Variants in C14orf39 observed in about 807,000 individuals in gnomAD.
The protein encoded by C14orf39 is chromosome 14 open reading frame 39, also known as protein SIX6OS1.
C14orf39 carries 66 observed loss-of-function variants against 85.6 expected under a neutral mutation model. The ratio of observed to expected loss-of-function variants is 0.77; its 90% CI spans 0.63 to 0.95. The LOEUF (loss-of-function observed/expected upper bound fraction) is 0.95, where lower values mean the gene tolerates loss of function less well. Among genes scored for constraint, C14orf39 ranks in the 40% least tolerant of loss-of-function variants. The pLI, the probability that C14orf39 is intolerant of heterozygous loss-of-function variation, is 0.00. For missense variants in C14orf39, 735 were observed against 663.9 expected (o/e 1.11, Z -1.18); for synonymous variants, 242 against 214.0 (o/e 1.13, Z -1.14).
Position 60,484,849 on chromosome 14 carries a change from C to T in C14orf39, c.106+32G>A. 2 of 1,461,300 alleles carry T rather than the reference C, an allele frequency of 1.4e-6. No individual in the cohort carries two copies. Among genetic ancestry groups the T allele is most frequent in the Non-Finnish European group, 1.9e-6 (2 of 1,060,764 alleles). The allele number at this position is 1,461,300 out of a possible 1,614,324, so 90.5% of individuals were successfully genotyped here. Reference sequence around the variant, plus strand: ...TTATATGCCATAAGGAATTAAAAGACTAAAATATCTTGATCATGCAAAGCT... The same window carrying T: ...TTATATGCCATAAGGAATTAAAAGATTAAAATATCTTGATCATGCAAAGCT... On this transcript the variant is annotated intron_variant, in intron 3 of 17. Coordinates refer to ENST00000321731, the MANE Select transcript of C14orf39 (RefSeq NM_174978.3). The surrounding 1 kb of genome is among the most constrained non-coding windows in gnomAD (Gnocchi z 4.2).
chr14:60,457,634 T>C (rs1891339720), intron 14 of C14orf39, among the ~76,000 whole-genome samples: 1 of 151,972 alleles, frequency 6.6e-6, no homozygotes, highest in African/African-American at 2.4e-5. Flanking sequence ...AATATGCTTG[T>C]TATGCCAAAT....
chr14:60,447,964 T>A (rs575401856), intron 16 of C14orf39, among the ~76,000 whole-genome samples: 4 of 152,308 alleles, frequency 2.6e-5, no homozygotes, highest in African/African-American at 9.6e-5. Context: ...ATTTAATAAA[T>A]GGTGCTGGGA....
chr14:60,478,431 TAAAC>T (rs1210654071), intron 4 of C14orf39, 42 bp from the exon 5 acceptor site: 3 of 1,004,116 alleles, frequency 3.0e-6, no homozygotes, highest in African/African-American at 1.7e-5. Flanking sequence ...CTCAGAATGA[TAAAC>T]AAATTGATAG....
At chr14:60,506,147 C>A (rs1729669348) in intron 1 of C14orf39, among the ~76,000 whole-genome samples, 1 of 152,134 alleles carries the variant, frequency 6.6e-6, no homozygotes, top group Non-Finnish European at 1.5e-5. Context: ...AGCCTTTGTC[C>A]AAGACCTCAT....
At chr14:60,497,382 A>T (rs906092948) in intron 2 of C14orf39, among the ~76,000 whole-genome samples, 1 of 36,574 alleles carries the variant, frequency 2.7e-5, no homozygotes, top group Non-Finnish European at 9.5e-5. Flanking sequence ...CCATGAGTAC[A>T]GGCCCAATGC....
intron 1 of C14orf39, chr14:60,509,023 G>A: frequency 3.5e-6 from 1 of 284,258 alleles, no homozygotes; most frequent in South Asian, 4.1e-5. Context: ...AACGGCGGGC[G>A]CTGTCGAGCA....
intron 5 of C14orf39, among the ~76,000 whole-genome samples, chr14:60,474,545 A>G (rs373213456): frequency 6.6e-6 from 1 of 151,010 alleles, no homozygotes; most frequent in Non-Finnish European, 1.5e-5. Flanking sequence ...GTTTGTCATA[A>G]ATAGCTCTTA....
chr14:60,456,776 T>C, intron 15 of C14orf39, 141 bp downstream of exon 15: 1 of 642,770 alleles, frequency 1.6e-6, no homozygotes, highest in Non-Finnish European at 2.5e-6. Flanking sequence ...TGTGTTATAT[T>C]AGTCTTTCTC....
chr14:60,458,870 A>G, intron 13 of C14orf39, 131 bp from the exon 14 acceptor site: 1 of 606,440 alleles, frequency 1.6e-6, no homozygotes. Flanking sequence ...ATATGGTTCA[A>G]CATAATACAT....
upstream of C14orf39, among the ~76,000 whole-genome samples, chr14:60,486,749 A>C (rs1394690430): frequency 6.6e-6 from 1 of 152,202 alleles, no homozygotes; most frequent in Non-Finnish European, 1.5e-5. Context: ...ACCAAAACCT[A>C]AGCTGTTTCA....
upstream of C14orf39, among the ~76,000 whole-genome samples, chr14:60,489,676 T>A (rs368559238): frequency 9.2e-5 from 14 of 152,348 alleles, no homozygotes; most frequent in Admixed American, 5.2e-4. Flanking sequence ...CGTTAAAATA[T>A]CAAATATGCC....
chr14:60,438,974 C>T (rs371573816), intron 17 of C14orf39, among the ~76,000 whole-genome samples: 8 of 151,904 alleles, frequency 5.3e-5, no homozygotes, highest in African/African-American at 1.9e-4. Flanking sequence ...AGTTCTAGTA[C>T]GGAATTTAAG....
intron 17 of C14orf39, 133 bp downstream of exon 17, chr14:60,441,941 T>C: frequency 1.7e-6 from 1 of 587,228 alleles, no homozygotes; most frequent in Non-Finnish European, 3.0e-6. Flanking sequence ...GAAAAGAATA[T>C]CAGTGAGTAG....
At chr14:60,509,195 G>C in intron 1 of C14orf39, 2 of 596,198 alleles carry the variant, frequency 3.4e-6, no homozygotes, top group South Asian at 2.0e-5. Context: ...AGCCGAGCCC[G>C]AACCCCAAGC....
At position 60,497,727 on chromosome 14, in the gene C14orf39, T is replaced by A. The variant is rs190013719; in HGVS notation, c.-9+1569A>T. ...CCCATCTCTACTAAAACTATTTTTT[T>A]AAAAATTAGTTGGGCATGGTGGCGG... On this transcript the variant is annotated intron_variant, in intron 2 of 5. Transcript: ENST00000556799. Among the ~76,000 whole-genome samples the A allele has an allele frequency of 9.2e-5, 14 of 151,974 alleles. No individual in the cohort carries two copies. The East Asian group carries it at 1.5e-3, about 17-fold the overall frequency.
intron 5 of C14orf39, among the ~76,000 whole-genome samples, chr14:60,475,256 T>C (rs150673272): frequency 0.014 from 2,197 of 152,292 alleles, 47 homozygotes; most frequent in African/African-American, 0.051. Flanking sequence ...ATCCCCTTTA[T>C]CATCTTTTAT....
chr14:60,447,082 C>T (rs1455150356), intron 16 of C14orf39, among the ~76,000 whole-genome samples: 3 of 152,260 alleles, frequency 2.0e-5, no homozygotes. Flanking sequence ...GACAAACCCA[C>T]AGCCAATATC....
chr14:60,465,851 AACACACACACACACACACACACAC>A (rs10529202), intron 11 of C14orf39, 104 bp downstream of exon 11: 15,722 of 369,928 alleles, frequency 0.043, 15 homozygotes, highest in Non-Finnish European at 0.052. Context: ...ATAAATTTAT[AACACACACACACACACACACACAC>A]ACACACACAC....
At chr14:60,468,749 A>AT (rs1312895165) in intron 8 of C14orf39, among the ~76,000 whole-genome samples, 2 of 151,642 alleles carry the variant, frequency 1.3e-5, no homozygotes, top group Non-Finnish European at 1.5e-5. Context: ...GCAAATGTAG[A>AT]TTTTAACAAA....
Sources: allele counts gnomAD v4.1 joint callset (sites outside exome capture counted in the v4.1 genomes callset), GRCh38; gene constraint gnomAD v4.1.1; non-coding constraint Gnocchi (gnomAD v3.1); transcripts MANE v1.5; gene names NCBI Gene and HGNC (gene_info 2026-07-23, HGNC 2026-07-21).